Variants in P2RY10 observed in about 807,000 individuals in gnomAD.
P2RY10 encodes putative P2Y purinoceptor 10.
Under a neutral mutation model 12.1 loss-of-function variants are expected in P2RY10, and 4 were observed. The observed-to-expected ratio is 0.33, with a 90% CI of 0.16 to 0.76. P2RY10 has a LOEUF of 0.76. Ranked by LOEUF, P2RY10 falls within the 30% of genes least tolerant of loss-of-function variation. P2RY10 has a pLI of 0.61. For missense variants in P2RY10, 233 were observed against 264.6 expected (o/e 0.88, Z 0.83); for synonymous variants, 112 against 94.1 (o/e 1.19, Z -1.10).
At chrX:78,952,577 C>T (rs775669917) in intron 3 of P2RY10, among the ~76,000 whole-genome samples, 29 of 111,429 alleles carry the variant, frequency 2.6e-4, no homozygotes, top group African/African-American at 9.5e-4. Context: ...GGTGCGTAGA[C>T]AAGAAAATTA....
chrX:78,949,782 T>C (rs1472311753), intron 2 of P2RY10, among the ~76,000 whole-genome samples: 1 of 112,045 alleles, frequency 8.9e-6, no homozygotes, highest in African/African-American at 3.2e-5. Flanking sequence ...CAACCAGGCT[T>C]ATTTGGAGTT....
chrX:78,947,990 C>T (rs978072684), intron 2 of P2RY10, 127 bp downstream of exon 2: 17 of 147,082 alleles, frequency 1.2e-4, no homozygotes. Flanking sequence ...CCAAGGTTCC[C>T]TTTGAGAAAC....
At position 78,947,869 on chromosome X, in the gene P2RY10, TA is replaced by T; in HGVS notation, c.-157+8del. 1 of 673,045 alleles carries T rather than the reference TA, an allele frequency of 1.5e-6. No homozygotes were observed. Among genetic ancestry groups the T allele is most frequent in the Non-Finnish European group, 1.8e-6 (1 of 564,910 alleles). The allele number at this position is 673,045 out of a possible 1,213,427, so 55.5% of individuals were successfully genotyped here. A position where few individuals can be genotyped will look rare whatever the true frequency, so the allele number is the denominator to read the frequency against. On this transcript the variant is annotated splice_region_variant and intron_variant, in intron 2 of 3. Coordinates refer to ENST00000171757, the MANE Select transcript of P2RY10 (RefSeq NM_014499.4). ...AGACCACAGGCAAATGCTTTGTAAG[TA>T]ATTTCCCTTTTTTAAAAATGAGAAA...
intron 2 of P2RY10, among the ~76,000 whole-genome samples, chrX:78,949,895 C>T (rs1244478230): frequency 9.0e-6 from 1 of 111,343 alleles, no homozygotes; most frequent in Non-Finnish European, 1.9e-5. Flanking sequence ...TCATGGAGAT[C>T]AGATTGGCTT....
chrX:78,962,596 G>C lies in P2RY10; in HGVS notation c.*1056G>C, dbSNP rs947741442. Among the ~76,000 whole-genome samples, 2 of 111,909 alleles carry C rather than the reference G, an allele frequency of 1.8e-5. No individual in the cohort carries two copies. Among genetic ancestry groups the C allele is most frequent in the African/African-American group, 6.5e-5 (2 of 30,775 alleles). On this transcript the variant is annotated 3_prime_UTR_variant, in exon 4 of 4. Coordinates refer to ENST00000171757, the MANE Select transcript of P2RY10 (RefSeq NM_014499.4). ...ATTCTCCAAAAAACCTGTGGGTTGT[G>C]GGTTTGGCATGTCAAGCTTCAGACC...
intron 3 of P2RY10, among the ~76,000 whole-genome samples, chrX:78,953,287 G>T (rs756108963): frequency 5.9e-4 from 66 of 111,802 alleles, no homozygotes; most frequent in African/African-American, 2.0e-3. Flanking sequence ...TAGGAGAAAT[G>T]GAAGCATTTA....
At position 78,960,791 on chromosome X, in the gene P2RY10, A is replaced by T. The variant is rs1414058562; in HGVS notation, c.271A>T (p.Ile91Phe). 1 of 1,211,210 alleles carries T rather than the reference A, an allele frequency of 8.3e-7. No individual in the cohort carries two copies. Among genetic ancestry groups the T allele is most frequent in the Admixed American group, 2.2e-5 (1 of 46,010 alleles). ...LAHVLSLPLR[I>F]YYYISHHWPF... is the part of the protein sequence containing the mutation. ...TCATGTATTATCTTTACCCCTCCGG[A>T]TTTACTATTACATCAGCCACCACTG... The change falls in exon 4 of 4, where the codon ATT becomes TTT. Residue 91 changes from isoleucine (I) to phenylalanine (F), a missense_variant. Coordinates refer to ENST00000171757, the MANE Select transcript of P2RY10 (RefSeq NM_014499.4).
At chrX:78,948,448 C>A (rs183878871) in intron 2 of P2RY10, among the ~76,000 whole-genome samples, 90 of 111,686 alleles carry the variant, frequency 8.1e-4, no homozygotes, top group Middle Eastern at 9.1e-3. Flanking sequence ...GGTACTTTTA[C>A]ACACATTTTC....
chrX:78,952,335 G>T lies in P2RY10; in HGVS notation c.-14G>T. On this transcript the variant is annotated splice_region_variant and 5_prime_UTR_variant, in exon 3 of 4. It adds an upstream start codon to the 5' untranslated region. Coordinates refer to ENST00000171757, the MANE Select transcript of P2RY10 (RefSeq NM_014499.4). ...CCTGGACAGAGCACTTCAAACTAGA[G>T]GTACCAAGAGTAATTACTTCTGTAA... 1.3e-6 allele frequency: 1 copy of T among 749,642 alleles called. No homozygotes were observed. Among genetic ancestry groups the T allele is most frequent in the South Asian group, 6.8e-5 (1 of 14,730 alleles). 61.8% of individuals were successfully genotyped at this position (749,642 alleles called of 1,213,427 possible). A position where few individuals can be genotyped will look rare whatever the true frequency, so the allele number is the denominator to read the frequency against.
At chrX:78,950,254 A>G (rs1250623168) in intron 2 of P2RY10, among the ~76,000 whole-genome samples, 1 of 111,166 alleles carries the variant, frequency 9.0e-6, no homozygotes, top group African/African-American at 3.3e-5. Flanking sequence ...TGGTGATGAT[A>G]TTAGTTAGGA....
At chrX:78,945,530 T>C in intron 1 of P2RY10, 35 bp downstream of exon 1, 1 of 111,779 alleles carries the variant, frequency 8.9e-6, no homozygotes, top group Non-Finnish European at 1.9e-5. Context: ...GATTGGTGGT[T>C]TCATGTGGGA....
At chrX:78,959,588 ATTACT>A (rs1386467148) in intron 3 of P2RY10, among the ~76,000 whole-genome samples, 1 of 112,051 alleles carries the variant, frequency 8.9e-6, no homozygotes, top group Non-Finnish European at 1.9e-5. Context: ...CTTCATAATG[ATTACT>A]TTAATGAATA....
At chrX:78,951,574 G>A (rs747514633) in intron 2 of P2RY10, among the ~76,000 whole-genome samples, 1 of 110,961 alleles carries the variant, frequency 9.0e-6, no homozygotes, top group African/African-American at 3.3e-5. Context: ...AGGGTTGCCC[G>A]ATGTAAGGAA....
In P2RY10 at chrX:78,961,527, C is replaced by T; in HGVS notation, c.1007C>T (p.Ser336Leu). 8.5e-7 allele frequency: 1 copy of T among 1,182,896 alleles called. No individual in the cohort carries two copies. The highest frequency in any genetic ancestry group is 1.8e-5 in the African/African-American group (1 of 56,907). Residue 336 changes from serine to leucine, a missense_variant, in exon 4 of 4, where the codon TCA becomes TTA. Physicochemically the swap from Ser to Leu is moderately radical, Grantham distance 145. Transcript: ENST00000171757. ...SRLMSKESGS[S>L]MIG ...CTCATGAGCAAGGAGAGTGGTTCAT[C>T]AATGATTGGCTAAAATTAAGATATC...
intron 3 of P2RY10, among the ~76,000 whole-genome samples, chrX:78,957,531 C>A (rs1922397926): frequency 9.0e-6 from 1 of 110,575 alleles, no homozygotes; most frequent in Non-Finnish European, 1.9e-5. Flanking sequence ...TCAGAAATGA[C>A]ACAATTGTCC....
At chrX:78,952,050 A>T (rs1037386287) in intron 2 of P2RY10, 143 bp from the exon 3 acceptor site, 5 of 159,268 alleles carry the variant, frequency 3.1e-5, no homozygotes, top group Non-Finnish European at 5.2e-5. Context: ...ATTGCTAAGG[A>T]TAATGGCTTC....
chrX:78,949,457 G>C (rs1922006028), intron 2 of P2RY10, among the ~76,000 whole-genome samples: 1 of 111,939 alleles, frequency 8.9e-6, no homozygotes, highest in Non-Finnish European at 1.9e-5. Flanking sequence ...GTGATATGAA[G>C]TGAATTGTTT....
In P2RY10 at chrX:78,947,848, C is replaced by A. The variant is rs906880516; in HGVS notation, c.-172C>A. On this transcript the variant is annotated 5_prime_UTR_variant, in exon 2 of 4. Transcript: ENST00000171757. Reference sequence around the variant, plus strand: ...ATCATGACAGCTTCAACTTTTAGACCACAGGCAAATGCTTTGTAAGTAATT... The same window carrying A: ...ATCATGACAGCTTCAACTTTTAGACAACAGGCAAATGCTTTGTAAGTAATT... The A allele has an allele frequency of 4.2e-6, 3 of 708,540 alleles. No individual in the cohort carries two copies. The highest frequency in any genetic ancestry group is 8.8e-5 in the Admixed American group (1 of 11,359). The allele number at this position is 708,540 out of a possible 1,213,427, so 58.4% of individuals were successfully genotyped here.
At chrX:78,954,526 TA>T (rs1162555832) in intron 3 of P2RY10, among the ~76,000 whole-genome samples, 1 of 112,423 alleles carries the variant, frequency 8.9e-6, no homozygotes, top group East Asian at 2.8e-4. Context: ...AACTGCTTAT[TA>T]AAAAATTGAC....
Sources: allele counts gnomAD v4.1 joint callset (sites outside exome capture counted in the v4.1 genomes callset), GRCh38; gene constraint gnomAD v4.1.1; transcripts MANE v1.5; gene names NCBI Gene and HGNC (gene_info 2026-07-23, HGNC 2026-07-21).